The following ZFAT variants were observed in gnomAD, a reference collection of about 807,000 sequenced individuals.
ZFAT encodes zinc finger and AT-hook domain containing.
A neutral mutation model predicts 117.7 loss-of-function variants in ZFAT; 64 were observed. The ratio of observed to expected loss-of-function variants is 0.54; its 90% CI spans 0.44 to 0.67. ZFAT has a LOEUF of 0.67. Among genes scored for constraint, ZFAT ranks in the 30% least tolerant of loss-of-function variants. ZFAT has a pLI of 0.00. For synonymous variants in ZFAT, 679 were observed against 615.0 expected (o/e 1.10, Z -1.54); for missense variants, 1,433 against 1,584.5 (o/e 0.90, Z 1.62).
chr8:134,582,230 G>C (rs1000930618), intron 10 of ZFAT, among the ~76,000 whole-genome samples: 3 of 152,098 alleles, frequency 2.0e-5, no homozygotes, highest in African/African-American at 7.2e-5. Flanking sequence ...GTTGGTCCAG[G>C]GCCTGACAAA....
At chr8:134,793,854 A>T in the ZFAT span, 1 of 152,226 alleles carries the variant, frequency 6.6e-6, no homozygotes, top group African/African-American at 2.4e-5. Flanking sequence ...CCAATAACTC[A>T]TTCTACTAAA....
At chr8:134,808,040 T>C in the ZFAT span, among the ~76,000 whole-genome samples, 3 of 152,216 alleles carry the variant, frequency 2.0e-5, no homozygotes, top group South Asian at 4.1e-4. Context: ...CAGTAACTAC[T>C]TTTAAGGGTA....
the ZFAT span, chr8:134,764,988 C>T: frequency 6.6e-6 from 1 of 152,128 alleles, no homozygotes; most frequent in Non-Finnish European, 1.5e-5. Context: ...AGTCGCACAG[C>T]CTGTGATTTG....
intron 11 of ZFAT, among the ~76,000 whole-genome samples, chr8:134,547,594 G>C (rs1822794100): frequency 6.6e-6 from 1 of 152,200 alleles, no homozygotes; most frequent in South Asian, 2.1e-4. Context: ...CATTTGCATA[G>C]ATTTCCAAAG....
the ZFAT span, among the ~76,000 whole-genome samples, chr8:134,782,237 T>A: frequency 6.6e-5 from 10 of 152,258 alleles, no homozygotes; most frequent in East Asian, 1.5e-3. Context: ...ATGTAATCTC[T>A]CAATGTTCTT....
chr8:134,602,211 G>T lies in ZFAT; in HGVS notation c.1508C>A (p.Pro503His). 1 of 1,613,610 alleles carries T rather than the reference G, an allele frequency of 6.2e-7. No individual in the cohort carries two copies. ...SINQSFCLLE[P>H]GGDIQQEALG... The stretch of plus-strand genomic sequence containing the variant: ...AGCTTCTTGCTGGATGTCCCCACCA[G>T]GTTCCAGGAGGCAGAAGCTCTGGTT... Residue 503 changes from proline to histidine, a missense_variant, in exon 6 of 16, where the codon CCT (proline) becomes CAT (histidine). This residue lies in a region of ZFAT where 372 missense variants were observed against 355.6 expected (regional missense o/e 1.05). Transcript: ENST00000377838.
chr8:134,697,359 G>A (rs890258005), intron 1 of ZFAT, among the ~76,000 whole-genome samples: 4 of 151,162 alleles, frequency 2.6e-5, no homozygotes, highest in African/African-American at 4.9e-5. Context: ...TGATCCGCCC[G>A]CCTCAGCCTC....
chr8:134,743,139 C>T, the ZFAT span, among the ~76,000 whole-genome samples: 2 of 152,236 alleles, frequency 1.3e-5, no homozygotes, highest in African/African-American at 2.4e-5. Flanking sequence ...GGTCTCATCA[C>T]GATTGACTGC....
At chr8:134,765,562 C>T in the ZFAT span, 1 of 152,188 alleles carries the variant, frequency 6.6e-6, no homozygotes, top group African/African-American at 2.4e-5. Flanking sequence ...AAGAACCACA[C>T]AACTTGTGAC....
the ZFAT span, among the ~76,000 whole-genome samples, chr8:134,779,702 A>C: frequency 2.0e-5 from 3 of 152,344 alleles, no homozygotes; most frequent in South Asian, 6.2e-4. Flanking sequence ...TTTCAAAGTT[A>C]GAAAAAAAGC....
chr8:134,512,798 C>T (rs1819956092), intron 13 of ZFAT, among the ~76,000 whole-genome samples, 197 bp from the exon 14 acceptor site: 1 of 152,186 alleles, frequency 6.6e-6, no homozygotes, highest in Admixed American at 6.5e-5. Context: ...AGGATCAAGA[C>T]CTTTAAAAAC....
chr8:134,712,819 T>TCCCCCC, intron 1 of ZFAT, 26 bp downstream of exon 1: 1 of 508,228 alleles, frequency 2.0e-6, no homozygotes, highest in Non-Finnish European at 3.2e-6. Flanking sequence ...CCACCCCGTC[T>TCCCCCC]CACCCCAACC....
At chr8:134,737,537 T>TCTA in the ZFAT span, among the ~76,000 whole-genome samples, 1 of 151,594 alleles carries the variant, frequency 6.6e-6, no homozygotes, top group East Asian at 1.9e-4. Flanking sequence ...GTGGGGAAGG[T>TCTA]CAAAGCAAAG....
chr8:134,497,479 C>T (rs1262857957), intron 15 of ZFAT, among the ~76,000 whole-genome samples: 1 of 134,254 alleles, frequency 7.4e-6, no homozygotes, highest in Non-Finnish European at 1.6e-5. Flanking sequence ...ACACACAGAG[C>T]CTGATTTGGT....
chr8:134,505,212 T>C (rs1424391396), intron 15 of ZFAT, among the ~76,000 whole-genome samples: 1 of 152,224 alleles, frequency 6.6e-6, no homozygotes, highest in Non-Finnish European at 1.5e-5. Context: ...GACCATATCA[T>C]TCACCTGATA....
At chr8:134,807,698 A>G in the ZFAT span, among the ~76,000 whole-genome samples, 1 of 151,648 alleles carries the variant, frequency 6.6e-6, no homozygotes, top group African/African-American at 2.4e-5. Context: ...GGAGCAGAAA[A>G]TGCCCCCAAT....
chr8:134,560,232 C>T (rs184902028), intron 11 of ZFAT, among the ~76,000 whole-genome samples: 2 of 152,218 alleles, frequency 1.3e-5, no homozygotes, highest in East Asian at 3.9e-4. Flanking sequence ...TTTCTCCTCT[C>T]ACTCTCTCTC....
At chr8:134,821,312 T>G in the ZFAT span, among the ~76,000 whole-genome samples, 1 of 152,104 alleles carries the variant, frequency 6.6e-6, no homozygotes, top group Non-Finnish European at 1.5e-5. Context: ...AAGCTGAATG[T>G]GATCAAAGGG....
chr8:134,627,809 C>T (rs1446142010), intron 3 of ZFAT, among the ~76,000 whole-genome samples: 1 of 152,218 alleles, frequency 6.6e-6, no homozygotes, highest in Non-Finnish European at 1.5e-5. Context: ...TACACCCACA[C>T]AGAAAAAGTT....
Sources: allele counts gnomAD v4.1 joint callset (sites outside exome capture counted in the v4.1 genomes callset), GRCh38; gene constraint gnomAD v4.1.1; regional missense constraint gnomAD v4.1.1; transcripts MANE v1.5; gene names NCBI Gene and HGNC (gene_info 2026-07-23, HGNC 2026-07-21).